CDK16: variants seen among roughly 807,000 people sequenced by gnomAD.
The protein encoded by CDK16 is cyclin-dependent kinase 16.
Under a neutral mutation model 41.6 loss-of-function variants are expected in CDK16, and 2 were observed. That is an observed-to-expected ratio of 0.05 (90% CI 0.02 to 0.15). CDK16 has a LOEUF of 0.15. Among genes scored for constraint, CDK16 ranks in the 10% least tolerant of loss-of-function variants. The probability of loss-of-function intolerance (pLI) is 1.00; values close to 1 mark genes in which losing one functional copy is unlikely to be tolerated. For synonymous variants in CDK16, 169 were observed against 169.7 expected, an observed-to-expected ratio of 1.00 and a Z score of 0.03; for missense variants, 228 against 428.9, an observed-to-expected ratio of 0.53 and a Z score of 4.14.
chrX:47,223,117 C>G (rs1326023884), intron 1 of CDK16: 1 of 1,154,736 alleles, frequency 8.7e-7, no homozygotes, highest in African/African-American at 1.8e-5. Context: ...TGGCCGTGCT[C>G]GAGACCATGT....
In CDK16 at chrX:47,229,751, A is replaced by T. The variant is rs1569231423; in HGVS notation, c.*983A>T. On this transcript the variant is annotated 3_prime_UTR_variant, in exon 16 of 16. Transcript: ENST00000357227. ...ATATGTGCACAAGCAGGGTTGGGGG[A>T]GGGGGGTGTGAGGGGTTGTGCCCAG... The T allele has an allele frequency of 8.1e-6, 1 of 123,054 alleles. No homozygotes were observed. Among genetic ancestry groups the T allele is most frequent in the African/African-American group, 3.3e-5 (1 of 30,589 alleles). 10.1% of individuals were successfully genotyped at this position (123,054 alleles called of 1,213,427 possible).
At chrX:47,218,308 C>G, upstream of CDK16, 1 of 231,747 alleles carries the variant, frequency 4.3e-6, no homozygotes, top group Non-Finnish European at 7.7e-6. Context: ...GCTGCCTCTC[C>G]TCGAAAAGTC....
rs782342848 is a variant in CDK16 at position 47,218,697 on chromosome X, A to C, written c.-415A>C. The C allele has an allele frequency of 3.7e-5, 43 of 1,162,990 alleles. No homozygotes were observed. The East Asian group carries it at 1.2e-3, about 33-fold the overall frequency. On this transcript the variant is annotated 5_prime_UTR_variant, in exon 1 of 16. Coordinates refer to ENST00000357227, the MANE Select transcript of CDK16 (RefSeq NM_006201.5). Reference sequence around the variant, plus strand: ...CCCTCCTTTCCACTTCACCCTTCCGAGCGCCTGCGTGCGCATGCGCGGAGC... The same window carrying C: ...CCCTCCTTTCCACTTCACCCTTCCGCGCGCCTGCGTGCGCATGCGCGGAGC...
intron 1 of CDK16, chrX:47,223,082 GT>G (rs1390728638): frequency 3.4e-5 from 39 of 1,152,553 alleles, no homozygotes; most frequent in Non-Finnish European, 4.5e-5. Flanking sequence ...TTTGAGGGTG[GT>G]GCTAGGGGAA....
Position 47,229,006 on chromosome X carries a change from C to G in CDK16, c.*238C>G. On this transcript the variant is annotated 3_prime_UTR_variant, in exon 16 of 16. Coordinates refer to ENST00000357227, the MANE Select transcript of CDK16 (RefSeq NM_006201.5). ...TCACTCCTTCACTTGGTCTGTCTGT[C>G]TCTGTCTTGGTAGTTGCCGGTGGAC... The G allele has an allele frequency of 2.1e-6, 1 of 480,227 alleles. No homozygotes were observed. The highest frequency in any genetic ancestry group is 3.8e-6 in the Non-Finnish European group (1 of 266,555). 39.6% of individuals were successfully genotyped at this position (480,227 alleles called of 1,213,427 possible).
intron 1 of CDK16, among the ~76,000 whole-genome samples, chrX:47,220,798 T>C (rs952972032): frequency 2.4e-4 from 27 of 110,960 alleles, no homozygotes; most frequent in African/African-American, 8.9e-4. Flanking sequence ...TTTATGTTAA[T>C]AGCATTCAGA....
chrX:47,223,458 C>A, intron 1 of CDK16, 94 bp from the exon 2 acceptor site: 2 of 1,010,188 alleles, frequency 2.0e-6, no homozygotes, highest in Non-Finnish European at 2.7e-6. Flanking sequence ...AAGTTCATGT[C>A]AGTGCCCCCT....
chrX:47,218,353 CAA>C, upstream of CDK16: 1 of 287,716 alleles, frequency 3.5e-6, no homozygotes, highest in East Asian at 5.5e-5. Flanking sequence ...CCTTCCTCCC[CAA>C]GCACCTCAAG....
rs772090780 is a variant in CDK16, at chrX:47,227,402, C to T, written c.1308C>T (p.Ser436=). The T allele has an allele frequency of 2.3e-5, 28 of 1,207,909 alleles. No individual in the cohort carries two copies. The highest frequency in any genetic ancestry group is 3.0e-5 in the East Asian group (1 of 33,736). The change falls in exon 14 of 16, where the codon TCC becomes TCT. Residue 436 remains serine, a synonymous_variant. Coordinates refer to ENST00000357227, the MANE Select transcript of CDK16 (RefSeq NM_006201.5). The part of the protein sequence containing the change: ...LLQFEGRNRI[S]AEDAMKHPFF... ...AGTTTGAGGGTCGAAATCGGATCTCCGCAGAGGATGCCATGAAACATCCAT... is the reference window on the plus strand; with the variant it reads ...AGTTTGAGGGTCGAAATCGGATCTCTGCAGAGGATGCCATGAAACATCCAT...
rs1447405906 is a variant in CDK16, at chrX:47,229,782, GC to G, written c.*1019del. ...GTGTGAGGGGTTGTGCCCAGGTGTT[GC>G]CCCCTATCTCCTGGGGAGGGTGAGG... is the stretch of plus-strand genomic sequence containing the variant. On this transcript the variant is annotated 3_prime_UTR_variant, in exon 16 of 16. Transcript: ENST00000357227. 1 of 120,395 alleles carries G rather than the reference GC, an allele frequency of 8.3e-6. No individual in the cohort carries two copies. The highest frequency in any genetic ancestry group is 3.2e-5 in the African/African-American group (1 of 30,908). The allele number at this position is 120,395 out of a possible 1,213,427, so 9.9% of individuals were successfully genotyped here.
Position 47,224,749 on chromosome X carries a change from C to T in CDK16, c.462+6C>T. ...GCCTCCGTCGTGTCAGCCTAGTAAG[C>T]ACCTTCTGTTCCCGTCCTCTCCTTT... On this transcript the variant is annotated splice_donor_region_variant and intron_variant, in intron 4 of 15. Coordinates refer to ENST00000357227, the MANE Select transcript of CDK16 (RefSeq NM_006201.5). 2 of 1,211,775 alleles carry T rather than the reference C, an allele frequency of 1.7e-6. No homozygotes were observed. Among genetic ancestry groups the T allele is most frequent in the Non-Finnish European group, 2.2e-6 (2 of 895,454 alleles).
intron 14 of CDK16, chrX:47,228,115 AT>A (rs1349859401): frequency 5.9e-5 from 7 of 119,615 alleles, no homozygotes; most frequent in African/African-American, 1.3e-4. Flanking sequence ...TTTTATCTAT[AT>A]TCTCTCTGAT....
rs188787867 is a variant in CDK16 at position 47,225,664 on chromosome X, G to A, written c.635-108G>A. The A allele has an allele frequency of 7.9e-5, 45 of 571,291 alleles. No homozygotes were observed. In the African/African-American group the frequency reaches 8.6e-4, roughly 11 times the overall value. 47.1% of individuals were successfully genotyped at this position (571,291 alleles called of 1,213,427 possible). On this transcript the variant is annotated intron_variant, in intron 6 of 15. Coordinates refer to ENST00000357227, the MANE Select transcript of CDK16 (RefSeq NM_006201.5). ...CCGAGGCATTACCCTGAACTGTCTA[G>A]AGAAAGAAAGAAAACCTGGGCTTGT...
At chrX:47,220,705 G>A (rs1290650619) in intron 1 of CDK16, among the ~76,000 whole-genome samples, 1 of 110,921 alleles carries the variant, frequency 9.0e-6, no homozygotes, top group East Asian at 2.8e-4. Flanking sequence ...TGGAAGGACT[G>A]GAATGTGTGT....
chrX:47,219,006 A>C lies in CDK16; in HGVS notation c.-106A>C. 1 of 873,340 alleles carries C rather than the reference A, an allele frequency of 1.1e-6. No homozygotes were observed. Among genetic ancestry groups the C allele is most frequent in the Non-Finnish European group, 1.4e-6 (1 of 716,555 alleles). The allele number at this position is 873,340 out of a possible 1,213,427, so 72.0% of individuals were successfully genotyped here. On this transcript the variant is annotated 5_prime_UTR_variant, in exon 1 of 16. Transcript: ENST00000357227. The stretch of plus-strand genomic sequence containing the variant: ...CTACTGGGACGGGCGCCTGCGGCGA[A>C]CAGGAGGAGAAGGAGGTCGCGCGGC...
chrX:47,227,301 G>A (rs1156918848), intron 13 of CDK16, 78 bp downstream of exon 13: 2 of 1,106,884 alleles, frequency 1.8e-6, no homozygotes, highest in Non-Finnish European at 2.5e-6. Flanking sequence ...CTCAAACCAG[G>A]GGCAGGGTCT....
chrX:47,228,457 C>A, intron 14 of CDK16, 110 bp from the exon 15 acceptor site: 1 of 577,453 alleles, frequency 1.7e-6, no homozygotes. Flanking sequence ...AAAGGTCAAG[C>A]CTCTCAGAGA....
At chrX:47,223,868 C>T (rs1361090421) in intron 2 of CDK16, 109 bp downstream of exon 2, 1 of 634,995 alleles carries the variant, frequency 1.6e-6, no homozygotes, top group African/African-American at 2.2e-5. Context: ...CTTTCTCTGC[C>T]CCCCATGTGC....
Position 47,218,834 on chromosome X carries a change from G to C in CDK16, c.-278G>C. On this transcript the variant is annotated 5_prime_UTR_variant, in exon 1 of 16. Coordinates refer to ENST00000357227, the MANE Select transcript of CDK16 (RefSeq NM_006201.5). ...GCCGTGAGCACTCGGATTCAAGCCG[G>C]CGCCAACGAGTCCGGGGGCATCGCC... 8.8e-7 allele frequency: 1 copy of C among 1,139,908 alleles called. No individual in the cohort carries two copies. Among genetic ancestry groups the C allele is most frequent in the Non-Finnish European group, 1.2e-6 (1 of 864,116 alleles). 93.9% of individuals were successfully genotyped at this position (1,139,908 alleles called of 1,213,427 possible). A position where few individuals can be genotyped will look rare whatever the true frequency, so the allele number is the denominator to read the frequency against.
Sources: allele counts gnomAD v4.1 joint callset (sites outside exome capture counted in the v4.1 genomes callset), GRCh38; gene constraint gnomAD v4.1.1; transcripts MANE v1.5; gene names NCBI Gene and HGNC (gene_info 2026-07-23, HGNC 2026-07-21).